Variants in CPNE4 observed in about 807,000 individuals in gnomAD.
CPNE4 encodes copine-4.
Under a neutral mutation model 67.9 loss-of-function variants are expected in CPNE4, and 25 were observed. The ratio of observed to expected loss-of-function variants is 0.37; its 90% CI spans 0.27 to 0.51. The LOEUF is 0.51. Ranked by LOEUF, CPNE4 falls within the 20% of genes least tolerant of loss-of-function variation. The pLI, the probability that CPNE4 is intolerant of heterozygous loss-of-function variation, is 0.93. For missense variants in CPNE4, 464 were observed against 690.8 expected (o/e 0.67, Z 3.68); for synonymous variants, 242 against 244.9 (o/e 0.99, Z 0.11).
At chr3:131,619,421 A>T (rs7429323) in intron 7 of CPNE4, among the ~76,000 whole-genome samples, 7,096 of 152,192 alleles carry the variant, frequency 0.047, 220 homozygotes, top group Middle Eastern at 0.099. Flanking sequence ...AAACTATAAT[A>T]TGACAGGTAT....
intron 2 of CPNE4, among the ~76,000 whole-genome samples, chr3:131,874,754 TA>T (rs1214646936): frequency 6.6e-6 from 1 of 152,288 alleles, no homozygotes; most frequent in East Asian, 1.9e-4. Context: ...AACTTCATGG[TA>T]AAAAAATGAA....
At chr3:131,732,515 A>G (rs2082150537) in intron 2 of CPNE4, among the ~76,000 whole-genome samples, 1 of 152,148 alleles carries the variant, frequency 6.6e-6, no homozygotes, top group East Asian at 1.9e-4. Context: ...GGAGGAACCC[A>G]TGGTGTACCC....
chr3:131,620,386 T>A (rs769163993), intron 7 of CPNE4: 35 of 863,650 alleles, frequency 4.1e-5, no homozygotes, highest in Non-Finnish European at 4.9e-5. Context: ...CTACGGTAAA[T>A]CCTTTTACTT....
intron 7 of CPNE4, among the ~76,000 whole-genome samples, chr3:131,619,528 A>G (rs894841800): frequency 6.6e-6 from 1 of 152,198 alleles, no homozygotes; most frequent in African/African-American, 2.4e-5. Context: ...ACACGATTCC[A>G]TTCAACTCTC....
chr3:131,801,364 A>G (rs2084100319), intron 2 of CPNE4, among the ~76,000 whole-genome samples: 1 of 137,446 alleles, frequency 7.3e-6, no homozygotes, highest in Non-Finnish European at 1.6e-5. Flanking sequence ...CCATATATAT[A>G]TATGTACCAT....
intron 5 of CPNE4, among the ~76,000 whole-genome samples, chr3:131,695,052 G>T (rs2047789): frequency 0.85 from 130,051 of 152,186 alleles, 55,787 homozygotes; most frequent in East Asian, 0.97. Context: ...TTCCTGAAGA[G>T]GTTGTGTGAA....
At chr3:131,735,699 A>G (rs2107768738) in intron 2 of CPNE4, among the ~76,000 whole-genome samples, 1 of 152,392 alleles carries the variant, frequency 6.6e-6, no homozygotes, top group Non-Finnish European at 1.5e-5. Flanking sequence ...ATTTTCTCTG[A>G]GAACAAAGAA....
chr3:131,975,838 G>T (rs564585206), intron 1 of CPNE4, among the ~76,000 whole-genome samples: 1 of 152,132 alleles, frequency 6.6e-6, no homozygotes, highest in South Asian at 2.1e-4. Context: ...AATATATCAG[G>T]TTATGAGGAA....
intron 7 of CPNE4, among the ~76,000 whole-genome samples, chr3:131,657,240 T>C (rs2079994606): frequency 6.6e-6 from 1 of 152,182 alleles, no homozygotes; most frequent in Admixed American, 6.5e-5. Flanking sequence ...TTATTGCCCC[T>C]AAAGACATTA....
intron 7 of CPNE4, among the ~76,000 whole-genome samples, chr3:131,632,069 G>A (rs114175180): frequency 0.033 from 4,996 of 150,800 alleles, 267 homozygotes; most frequent in African/African-American, 0.11. Flanking sequence ...GCACCACTGC[G>A]CACGATCTTG....
intron 2 of CPNE4, among the ~76,000 whole-genome samples, chr3:131,785,173 T>A (rs1002958043): frequency 6.6e-6 from 1 of 152,080 alleles, no homozygotes; most frequent in African/African-American, 2.4e-5. Flanking sequence ...ATCCTTGCAA[T>A]TCTGAGAAGT....
chr3:131,942,612 C>T (rs377356502), intron 1 of CPNE4, among the ~76,000 whole-genome samples: 1 of 151,942 alleles, frequency 6.6e-6, no homozygotes, highest in African/African-American at 2.4e-5. Flanking sequence ...TTATCTTTCA[C>T]CTTTACCTGA....
chr3:131,663,647 T>C (rs2080184273), intron 7 of CPNE4, among the ~76,000 whole-genome samples: 1 of 152,130 alleles, frequency 6.6e-6, no homozygotes, highest in South Asian at 2.1e-4. Context: ...AGAGCACTTT[T>C]CTGATTGTCC....
chr3:131,708,192 G>C (rs2081461074), intron 3 of CPNE4, among the ~76,000 whole-genome samples: 1 of 152,108 alleles, frequency 6.6e-6, no homozygotes, highest in Non-Finnish European at 1.5e-5. Flanking sequence ...CTGTGGGATA[G>C]AGAGTGAATG....
In CPNE4 at chr3:131,845,692, G is replaced by GTTGA. The variant is rs1183077543; in HGVS notation, c.180+59568_180+59571dup. Among the ~76,000 whole-genome samples the GTTGA allele has an allele frequency of 1.1e-4, 17 of 152,198 alleles. No homozygotes were observed. In the East Asian group the frequency reaches 2.7e-3, roughly 24 times the overall value. On this transcript the variant is annotated intron_variant, in intron 2 of 15. Transcript: ENST00000429747. ...AACACAATAAGCACTTAATAAACAT[G>GTTGA]TTGATTGATTGATTGAATAAATCAA...
At chr3:131,799,905 T>TGC (rs2084031412) in intron 2 of CPNE4, among the ~76,000 whole-genome samples, 1 of 82,324 alleles carries the variant, frequency 1.2e-5, no homozygotes, top group African/African-American at 5.2e-5. Flanking sequence ...TGTTGGTGCG[T>TGC]GTGTGTGTGT....
intron 2 of CPNE4, among the ~76,000 whole-genome samples, chr3:131,825,729 G>A (rs556653913): frequency 6.6e-6 from 1 of 152,246 alleles, no homozygotes; most frequent in African/African-American, 2.4e-5. Context: ...ATAAGGGCCA[G>A]GAGACAAGAT....
At chr3:131,693,499 A>G (rs1359546980) in intron 5 of CPNE4, among the ~76,000 whole-genome samples, 2 of 152,172 alleles carry the variant, frequency 1.3e-5, no homozygotes, top group Non-Finnish European at 2.9e-5. Flanking sequence ...AACCAATTTA[A>G]TGATTAGCTT....
chr3:131,905,148 T>C, intron 2 of CPNE4, 116 bp downstream of exon 2: 1 of 890,614 alleles, frequency 1.1e-6, no homozygotes, highest in African/African-American at 1.7e-5. Flanking sequence ...GTGATCATAT[T>C]CACTTCTCAA....
Sources: gnomAD v4.1 joint callset for allele counts (sites outside exome capture counted in the v4.1 genomes callset) on GRCh38, gnomAD v4.1.1 for gene constraint, MANE v1.5 for transcripts, NCBI Gene and HGNC (gene_info 2026-07-23, HGNC 2026-07-21) for gene names.